Variants in DLG2 observed in about 807,000 individuals in gnomAD.
DLG2 encodes the protein disks large homolog 2.
Under a neutral mutation model 132.5 loss-of-function variants are expected in DLG2, and 45 were observed. That is an observed-to-expected ratio of 0.34 (90% CI 0.27 to 0.44). DLG2 has a LOEUF of 0.44. DLG2 is among the 20% of genes least tolerant of loss of function. DLG2 has a pLI of 1.00. For missense variants in DLG2, 1,045 were observed against 1,196.9 expected, an observed-to-expected ratio of 0.87 and a Z score of 1.87; for synonymous variants, 424 against 419.6, an observed-to-expected ratio of 1.01 and a Z score of -0.13.
intron 19 of DLG2, among the ~76,000 whole-genome samples, chr11:83,565,303 G>A (rs561505411): frequency 3.9e-5 from 6 of 152,106 alleles, no homozygotes; most frequent in Non-Finnish European, 7.4e-5. Context: ...AGCAAACAAA[G>A]CAAAAACAAT....
chr11:85,328,774 G>C (rs1444184752), intron 3 of DLG2, among the ~76,000 whole-genome samples: 1 of 147,446 alleles, frequency 6.8e-6, no homozygotes, highest in Non-Finnish European at 1.5e-5. Flanking sequence ...GTTCTGGCCA[G>C]GGCAATCAGG....
At chr11:83,590,283 A>C (rs1194524871) in intron 19 of DLG2, among the ~76,000 whole-genome samples, 2 of 152,284 alleles carry the variant, frequency 1.3e-5, no homozygotes, top group South Asian at 2.1e-4. Context: ...AAATTATAAC[A>C]AACAGTCTCT....
intron 4 of DLG2, among the ~76,000 whole-genome samples, chr11:85,231,311 T>C (rs1385881672): frequency 6.6e-6 from 1 of 151,978 alleles, no homozygotes; most frequent in Non-Finnish European, 1.5e-5. Flanking sequence ...ACTGATATTT[T>C]CTTCTGCAGC....
chr11:84,467,993 A>C (rs2099098963), intron 7 of DLG2, among the ~76,000 whole-genome samples: 1 of 151,526 alleles, frequency 6.6e-6, no homozygotes, highest in African/African-American at 2.4e-5. Flanking sequence ...TCAACATTCC[A>C]TTCAGTTTGA....
intron 7 of DLG2, among the ~76,000 whole-genome samples, chr11:84,349,897 G>A (rs570814710): frequency 8.4e-4 from 128 of 151,888 alleles, no homozygotes; most frequent in Non-Finnish European, 1.5e-3. Flanking sequence ...TCCAGGCTAG[G>A]CCGGGCGCGG....
Position 84,210,459 on chromosome 11 carries a change from C to T in DLG2, c.573+40779G>A, listed in dbSNP as rs976671291. On this transcript the variant is annotated intron_variant, in intron 8 of 27. Transcript: ENST00000376104. ...CTAGATGACGAGTTAGTGGGTGCAG[C>T]GCACCAGCATGGCACATGTATACAT... Among the ~76,000 whole-genome samples, 8 of 149,266 alleles carry T rather than the reference C, an allele frequency of 5.4e-5. No individual in the cohort carries two copies. The South Asian group carries it at 1.3e-3, about 24-fold the overall frequency.
At chr11:84,930,485 C>T (rs1384965911) in intron 6 of DLG2, among the ~76,000 whole-genome samples, 1 of 152,050 alleles carries the variant, frequency 6.6e-6, no homozygotes, top group Non-Finnish European at 1.5e-5. Context: ...TTTGAACAAC[C>T]TCCTCCATCC....
intron 6 of DLG2, among the ~76,000 whole-genome samples, chr11:84,957,196 C>A (rs1309054763): frequency 6.6e-6 from 1 of 152,106 alleles, no homozygotes; most frequent in East Asian, 1.9e-4. Flanking sequence ...AGGACTCAAA[C>A]CTAGACTTGC....
chr11:84,112,421 T>C (rs1271851786), intron 9 of DLG2, among the ~76,000 whole-genome samples: 1 of 151,690 alleles, frequency 6.6e-6, no homozygotes, highest in Admixed American at 6.6e-5. Flanking sequence ...GTTTAGATGT[T>C]CCTGCTGTTT....
intron 5 of DLG2, among the ~76,000 whole-genome samples, chr11:85,118,915 T>C (rs1265129759): frequency 6.6e-6 from 1 of 151,668 alleles, no homozygotes; most frequent in Non-Finnish European, 1.5e-5. Context: ...ATAACATATA[T>C]GTCTAGGGGC....
chr11:84,843,229 A>C (rs1431228696), intron 6 of DLG2, among the ~76,000 whole-genome samples: 1 of 151,820 alleles, frequency 6.6e-6, no homozygotes, highest in Non-Finnish European at 1.5e-5. Context: ...TCAAACCCTT[A>C]AATTGTATAC....
intron 7 of DLG2, among the ~76,000 whole-genome samples, chr11:84,502,270 CCTTCCTTCCT>C (rs2099215401): frequency 2.0e-5 from 1 of 51,086 alleles, no homozygotes; most frequent in Admixed American, 1.6e-4. Context: ...TTCCTTCCTT[CCTTCCTTCCT>C]TCTTTCTTTC....
chr11:83,928,616 CA>C (rs1236297924), intron 15 of DLG2, among the ~76,000 whole-genome samples: 1 of 151,918 alleles, frequency 6.6e-6, no homozygotes, highest in East Asian at 1.9e-4. Flanking sequence ...TTCCAGTGAG[CA>C]AAAATGGCTA....
intron 6 of DLG2, among the ~76,000 whole-genome samples, chr11:84,845,337 C>T (rs1824007194): frequency 1.3e-5 from 2 of 151,996 alleles, no homozygotes; most frequent in South Asian, 4.2e-4. Context: ...ATATTATGGG[C>T]CAGGTACAAT....
At chr11:85,016,629 A>T (rs1447225112) in intron 6 of DLG2, among the ~76,000 whole-genome samples, 1 of 152,174 alleles carries the variant, frequency 6.6e-6, no homozygotes, top group Non-Finnish European at 1.5e-5. Flanking sequence ...ACACACACTA[A>T]GAGCAATTTC....
At chr11:84,028,688 A>C (rs1367126576) in intron 11 of DLG2, among the ~76,000 whole-genome samples, 1 of 152,140 alleles carries the variant, frequency 6.6e-6, no homozygotes, top group African/African-American at 2.4e-5. Context: ...TTGCTTCATG[A>C]AAATTCCTTT....
At chr11:85,220,640 AT>A (rs1167228864) in intron 4 of DLG2, among the ~76,000 whole-genome samples, 1 of 145,914 alleles carries the variant, frequency 6.9e-6, no homozygotes, top group Non-Finnish European at 1.5e-5. Context: ...AAAAAAAAAT[AT>A]ATATATATAT....
chr11:84,269,543 C>T (rs999703577), intron 7 of DLG2, among the ~76,000 whole-genome samples: 1 of 152,142 alleles, frequency 6.6e-6, no homozygotes, highest in Admixed American at 6.5e-5. Flanking sequence ...TATGGTATTA[C>T]AGTGATTTGC....
intron 9 of DLG2, among the ~76,000 whole-genome samples, chr11:84,112,247 C>T (rs1234475276): frequency 1.1e-4 from 16 of 151,832 alleles, no homozygotes; most frequent in Non-Finnish European, 1.3e-4. Context: ...ATCCACCCGC[C>T]TCGGCCTCCC....
Sources: gnomAD v4.1 joint callset for allele counts (sites outside exome capture counted in the v4.1 genomes callset) on GRCh38, gnomAD v4.1.1 for gene constraint, MANE v1.5 for transcripts, NCBI Gene and HGNC (gene_info 2026-07-23, HGNC 2026-07-21) for gene names.